Variants in GARRE1 observed in about 807,000 individuals in gnomAD.
The protein encoded by GARRE1 is granule associated Rac and RHOG effector protein 1.
GARRE1 carries 49 observed loss-of-function variants against 103.2 expected under a neutral mutation model. The ratio of observed to expected loss-of-function variants is 0.47; its 90% CI spans 0.38 to 0.60. The LOEUF is 0.60. GARRE1 is among the 20% of genes least tolerant of loss of function. GARRE1 has a pLI of 0.00. For synonymous variants in GARRE1, 505 were observed against 532.8 expected (o/e 0.95, Z 0.72); for missense variants, 1,199 against 1,370.5 (o/e 0.87, Z 1.98).
intron 1 of GARRE1, among the ~76,000 whole-genome samples, chr19:34,267,765 C>T (rs2073761203): frequency 6.8e-6 from 1 of 147,618 alleles, no homozygotes. Flanking sequence ...TATATAATTG[C>T]TTTGTGGTTT....
At chr19:34,305,886 C>T (rs766546898) in intron 2 of GARRE1, among the ~76,000 whole-genome samples, 14 of 152,176 alleles carry the variant, frequency 9.2e-5, no homozygotes, top group Admixed American at 5.9e-4. Context: ...CTTTCCCAGA[C>T]GAGTCTGGAA....
At position 34,299,688 on chromosome 19, in the gene GARRE1, T is replaced by G. The variant is rs1252263551; in HGVS notation, c.-786T>G. 1.3e-5 allele frequency: 2 copies of G among 152,198 alleles called. No individual in the cohort carries two copies. The highest frequency in any genetic ancestry group is 4.8e-5 in the African/African-American group (2 of 41,452). 9.4% of individuals were successfully genotyped at this position (152,198 alleles called of 1,614,324 possible). ...TTTTTCCCCCCGACAGGAAAGGACTTAGAAGCCTTACAAATACATCTGTGC... is the reference window on the plus strand; with the variant it reads ...TTTTTCCCCCCGACAGGAAAGGACTGAGAAGCCTTACAAATACATCTGTGC... On this transcript the variant is annotated 5_prime_UTR_variant, in exon 2 of 14. Coordinates refer to ENST00000299505, the MANE Select transcript of GARRE1 (RefSeq NM_014686.5).
At chr19:34,308,505 A>G (rs757820611) in intron 2 of GARRE1, among the ~76,000 whole-genome samples, 2 of 152,174 alleles carry the variant, frequency 1.3e-5, no homozygotes, top group African/African-American at 2.4e-5. Flanking sequence ...AATTGTCTTC[A>G]GACTTTAGCC....
chr19:34,341,517 C>A lies in GARRE1; in HGVS notation c.1583C>A (p.Ser528Tyr). The change falls in exon 10 of 14, where the codon TCT (serine) becomes TAT (tyrosine). Residue 528 changes from serine (S) to tyrosine (Y), a missense_variant. Physicochemically the swap from Ser to Tyr is moderately radical, Grantham distance 144. Transcript: ENST00000299505. ...CTGCCTTCTGGAAATGGAAACAAAT[C>A]TTCAGGTGGCCTGCAGAAGACATTC... ...ADLPSGNGNK[S>Y]SGGLQKTFSK... 1 of 1,613,956 alleles carries A rather than the reference C, an allele frequency of 6.2e-7. No individual in the cohort carries two copies. The highest frequency in any genetic ancestry group is 1.1e-5 in the South Asian group (1 of 91,076).
intron 1 of GARRE1, among the ~76,000 whole-genome samples, chr19:34,256,451 C>T (rs2145946907): frequency 6.7e-6 from 1 of 149,890 alleles, no homozygotes; most frequent in African/African-American, 2.5e-5. Context: ...GCCCAGGAGG[C>T]GAAGGTTGCA....
At chr19:34,259,960 G>A (rs1163456320) in intron 1 of GARRE1, among the ~76,000 whole-genome samples, 1 of 152,222 alleles carries the variant, frequency 6.6e-6, no homozygotes, top group Non-Finnish European at 1.5e-5. Context: ...GAAGAAGGAC[G>A]TGTTTGCTTC....
In GARRE1 at chr19:34,355,400, G is replaced by A. The variant is rs1012451401; in HGVS notation, c.*2445G>A. 6.5e-6 allele frequency: 1 copy of A among 152,704 alleles called. No homozygotes were observed. Among genetic ancestry groups the A allele is most frequent in the South Asian group, 2.1e-4 (1 of 4,834 alleles). The allele number at this position is 152,704 out of a possible 1,614,324, so 9.5% of individuals were successfully genotyped here. ...AGCGCATGTGTGTGCATGTGTGAAC[G>A]TGTGTGTCCTTTGCATGGTTGGGCG... is the stretch of plus-strand genomic sequence containing the variant. On this transcript the variant is annotated 3_prime_UTR_variant, in exon 14 of 14. Coordinates refer to ENST00000299505, the MANE Select transcript of GARRE1 (RefSeq NM_014686.5).
chr19:34,312,361 A>G (rs1031224988), intron 2 of GARRE1, among the ~76,000 whole-genome samples: 1 of 152,200 alleles, frequency 6.6e-6, no homozygotes, highest in Non-Finnish European at 1.5e-5. Flanking sequence ...GTACACTTAC[A>G]TTGTTGTGCA....
intron 1 of GARRE1, among the ~76,000 whole-genome samples, chr19:34,255,707 C>T (rs2073667859): frequency 6.7e-6 from 1 of 150,064 alleles, no homozygotes; most frequent in Non-Finnish European, 1.5e-5. Context: ...GACTGTTGCC[C>T]AGGCTGGTCT....
rs1200347845 is a variant in GARRE1, at chr19:34,320,063, G to C, written c.652G>C (p.Gly218Arg). 1.2e-6 allele frequency: 2 copies of C among 1,614,250 alleles called. No individual in the cohort carries two copies. The stretch of plus-strand genomic sequence containing the variant: ...CAGTGGCGGCGGCTTATCTGGCATG[G>C]GCCACACACCTGAAGTAGAGGAAGC... ...SGSGGGLSGM[G>R]HTPEVEEAVR... The change falls in exon 3 of 14, where the codon GGC (glycine) becomes CGC (arginine). Residue 218 changes from glycine to arginine, a missense_variant. By Grantham distance (125) the Gly-to-Arg change is moderately radical. Transcript: ENST00000299505.
intron 1 of GARRE1, among the ~76,000 whole-genome samples, chr19:34,290,762 T>G (rs553752782): frequency 2.0e-5 from 3 of 152,116 alleles, no homozygotes; most frequent in Admixed American, 6.6e-5. Flanking sequence ...GCGTTGAGAT[T>G]ACTGTTGTAA....
intron 8 of GARRE1, among the ~76,000 whole-genome samples, chr19:34,334,689 A>G (rs111438856): frequency 0.021 from 2,950 of 140,406 alleles, 112 homozygotes; most frequent in African/African-American, 0.069. Flanking sequence ...ATAGAGCAAA[A>G]CTATCTCAAA....
chr19:34,312,076 A>G (rs2074039657), intron 2 of GARRE1, among the ~76,000 whole-genome samples: 1 of 152,060 alleles, frequency 6.6e-6, no homozygotes, highest in African/African-American at 2.4e-5. Context: ...TGGGCCTCCT[A>G]AAGTGCTGGG....
intron 1 of GARRE1, among the ~76,000 whole-genome samples, chr19:34,289,754 G>A (rs532700226): frequency 1.3e-3 from 201 of 151,924 alleles, no homozygotes; most frequent in Non-Finnish European, 2.5e-3. Flanking sequence ...TAAATATTAG[G>A]TTAAGCCATT....
Position 34,333,799 on chromosome 19 carries a change from A to C in GARRE1, c.1359A>C (p.Thr453=). The change falls in exon 8 of 14, where the codon ACA becomes ACC. Residue 453 remains threonine (T), a splice_region_variant and synonymous_variant. Transcript: ENST00000299505. ...GAATCGTGGTTCAAGTCCCATCCAC[A>C]TGGTAACGTGCCTCTTACTTTCACC... ...GSRIVVQVPS[T]WCLKEDPATM... 6.4e-7 allele frequency: 1 copy of C among 1,571,376 alleles called. No individual in the cohort carries two copies. Among genetic ancestry groups the C allele is most frequent in the South Asian group, 1.1e-5 (1 of 90,166 alleles).
chr19:34,339,954 C>T lies in GARRE1; in HGVS notation c.1449C>T (p.Tyr483=), dbSNP rs773124931. The T allele has an allele frequency of 6.2e-7, 1 of 1,614,166 alleles. No homozygotes were observed. ...CCCTGGGTCTAGTGGACGTGCTCTA[C>T]ACAGCTGTGCTGGACCTAAACCGCT... ...EKTLGLVDVL[Y]TAVLDLNRWR... is the part of the protein sequence containing the mutation. Residue 483 remains tyrosine, a synonymous_variant, in exon 9 of 14, where the codon TAC becomes TAT. Transcript: ENST00000299505.
intron 1 of GARRE1, among the ~76,000 whole-genome samples, chr19:34,258,698 G>A (rs918771276): frequency 6.6e-6 from 1 of 152,070 alleles, no homozygotes; most frequent in Non-Finnish European, 1.5e-5. Context: ...GCTGAGGTAG[G>A]AGAATGGTGT....
At chr19:34,346,919 A>AGTTTT (rs568008967) in intron 10 of GARRE1, among the ~76,000 whole-genome samples, 2 of 151,400 alleles carry the variant, frequency 1.3e-5, no homozygotes, top group Admixed American at 6.6e-5. Flanking sequence ...AGCCCAGCCC[A>AGTTTT]GTTTTGTTTT....
chr19:34,265,466 C>G (rs1255846863), intron 1 of GARRE1: 1 of 152,152 alleles, frequency 6.6e-6, no homozygotes, highest in African/African-American at 2.4e-5. Context: ...CAACTGTGTC[C>G]CTTCTGTTCC....
Sources: allele counts gnomAD v4.1 joint callset (sites outside exome capture counted in the v4.1 genomes callset), GRCh38; gene constraint gnomAD v4.1.1; transcripts MANE v1.5; gene names NCBI Gene and HGNC (gene_info 2026-07-23, HGNC 2026-07-21).